AFG2A: variants seen among roughly 807,000 people sequenced by gnomAD.
The protein encoded by AFG2A is AAA ATPase AFG2A, also known as ATPase family gene 2 protein homolog A.
the AFG2A span, among the ~76,000 whole-genome samples, chr4:123,107,272 C>A: frequency 3.3e-5 from 5 of 152,294 alleles, no homozygotes; most frequent in South Asian, 4.1e-4. Flanking sequence ...TTTGGTGGGT[C>A]CTGAGTTCTT....
chr4:123,099,124 A>T, the AFG2A span, among the ~76,000 whole-genome samples: 1 of 151,948 alleles, frequency 6.6e-6, no homozygotes, highest in Admixed American at 6.6e-5. Flanking sequence ...GATGTTGAGC[A>T]CTTAAAAAAT....
the AFG2A span, among the ~76,000 whole-genome samples, chr4:123,071,465 A>G: frequency 1.4e-5 from 2 of 143,854 alleles, no homozygotes; most frequent in African/African-American, 5.1e-5. Context: ...GGACAACAAG[A>G]GCGAAACTCC....
the AFG2A span, among the ~76,000 whole-genome samples, chr4:122,988,985 A>G: frequency 9.2e-5 from 14 of 151,620 alleles, no homozygotes; most frequent in Non-Finnish European, 1.6e-4. Context: ...TATACTCTCT[A>G]TCTCTTTCTT....
the AFG2A span, among the ~76,000 whole-genome samples, chr4:122,945,929 G>A: frequency 6.6e-6 from 1 of 152,218 alleles, no homozygotes; most frequent in African/African-American, 2.4e-5. Context: ...TTGTCACCTG[G>A]TGGAGGCTGC....
chr4:123,029,879 C>T, the AFG2A span, among the ~76,000 whole-genome samples: 4 of 152,094 alleles, frequency 2.6e-5, no homozygotes, highest in Non-Finnish European at 5.9e-5. Flanking sequence ...CTCAAGCAGC[C>T]CTCCCACCTT....
At chr4:123,189,122 G>T in the AFG2A span, among the ~76,000 whole-genome samples, 1 of 152,122 alleles carries the variant, frequency 6.6e-6, no homozygotes, top group African/African-American at 2.4e-5. Context: ...TGTCTATCTC[G>T]CAGGTTCATT....
chr4:123,130,553 C>CGTTTTCGAGT, the AFG2A span, among the ~76,000 whole-genome samples: 1 of 152,082 alleles, frequency 6.6e-6, no homozygotes. Context: ...TTTTATTTCA[C>CGTTTTCGAGT]ATGTTTTCGA....
chr4:123,229,677 G>C, the AFG2A span, among the ~76,000 whole-genome samples: 1 of 151,958 alleles, frequency 6.6e-6, no homozygotes, highest in Non-Finnish European at 1.5e-5. Flanking sequence ...AGGTTTCTGG[G>C]ATGATGGAAA....
chr4:123,105,265 G>A, the AFG2A span, among the ~76,000 whole-genome samples: 2 of 152,076 alleles, frequency 1.3e-5, no homozygotes, highest in Admixed American at 6.6e-5. Flanking sequence ...ATCTGTTTAC[G>A]GCACAGTTTT....
the AFG2A span, among the ~76,000 whole-genome samples, chr4:123,092,143 T>C: frequency 1.3e-5 from 2 of 152,126 alleles, no homozygotes; most frequent in Admixed American, 1.3e-4. Context: ...AGAATCTGGG[T>C]TGGTGTTAAG....
chr4:123,265,508 A>G, the AFG2A span, among the ~76,000 whole-genome samples: 4 of 152,204 alleles, frequency 2.6e-5, no homozygotes, highest in African/African-American at 9.6e-5. Context: ...CCTGAAGGCT[A>G]TTTTAGATAG....
At chr4:123,226,596 G>T in the AFG2A span, among the ~76,000 whole-genome samples, 1 of 152,134 alleles carries the variant, frequency 6.6e-6, no homozygotes, top group Non-Finnish European at 1.5e-5. Flanking sequence ...TTGATGGGCT[G>T]CTGGATTCGG....
chr4:123,059,406 T>C, the AFG2A span, among the ~76,000 whole-genome samples: 3 of 150,544 alleles, frequency 2.0e-5, no homozygotes, highest in African/African-American at 7.3e-5. Flanking sequence ...ATGCAGTGTT[T>C]GGTTTTTTGT....
At chr4:122,968,441 C>A in the AFG2A span, among the ~76,000 whole-genome samples, 1 of 152,184 alleles carries the variant, frequency 6.6e-6, no homozygotes, top group African/African-American at 2.4e-5. Context: ...CCTTTCCCAG[C>A]CCTACATGCT....
chr4:123,196,795 A>G, the AFG2A span, among the ~76,000 whole-genome samples: 3 of 152,194 alleles, frequency 2.0e-5, no homozygotes, highest in Non-Finnish European at 4.4e-5. Context: ...GCCTATGTAT[A>G]GTGTTAATAA....
the AFG2A span, among the ~76,000 whole-genome samples, chr4:122,941,047 A>T: frequency 4.7e-4 from 70 of 149,908 alleles, no homozygotes; most frequent in Non-Finnish European, 8.5e-4. Flanking sequence ...CTTGTAGTAT[A>T]GTTTGAAGTC....
At chr4:122,998,104 T>C in the AFG2A span, among the ~76,000 whole-genome samples, 8,181 of 152,212 alleles carry the variant, frequency 0.054, 522 homozygotes, top group African/African-American at 0.16. Context: ...CTCTTTCACT[T>C]TCTTGATAGG....
At chr4:122,944,681 A>T in the AFG2A span, among the ~76,000 whole-genome samples, 252 of 151,334 alleles carry the variant, frequency 1.7e-3, 1 homozygote, top group Middle Eastern at 0.014. Context: ...GCTGGTGAGG[A>T]ACTGCGTTCC....
the AFG2A span, among the ~76,000 whole-genome samples, chr4:123,215,507 C>T: frequency 6.6e-6 from 1 of 152,058 alleles, no homozygotes. Context: ...AAACGTGAAG[C>T]TCTAGAAATT....
Sources: allele counts gnomAD v4.1 joint callset (sites outside exome capture counted in the v4.1 genomes callset), GRCh38; gene constraint gnomAD v4.1.1; transcripts MANE v1.5; gene names NCBI Gene and HGNC (gene_info 2026-07-23, HGNC 2026-07-21).